MTUS2: variants seen among roughly 807,000 people sequenced by gnomAD.
The protein encoded by MTUS2 is microtubule-associated tumor suppressor candidate 2.
MTUS2 carries 40 observed loss-of-function variants against 114.1 expected under a neutral mutation model. The observed-to-expected ratio is 0.35, with a 90% confidence interval of 0.27 to 0.46. The LOEUF (loss-of-function observed/expected upper bound fraction) is 0.46. MTUS2 is among the 20% of genes least tolerant of loss of function. The probability of loss-of-function intolerance (pLI) is 1.00; values close to 1 mark genes in which losing one functional copy is unlikely to be tolerated. For missense variants in MTUS2, 1,679 were observed against 1,705.4 expected (o/e 0.98, Z 0.27); for synonymous variants, 688 against 672.0 (o/e 1.02, Z -0.37).
chr13:29,204,953 A>C (rs9551620), intron 5 of MTUS2, among the ~76,000 whole-genome samples: 12,797 of 152,114 alleles, frequency 0.084, 702 homozygotes, highest in African/African-American at 0.14. Flanking sequence ...GATCTGGGGG[A>C]CCAGGGAAGC....
At chr13:29,009,197 A>C (rs534207438) in intron 2 of MTUS2, among the ~76,000 whole-genome samples, 1 of 152,132 alleles carries the variant, frequency 6.6e-6, no homozygotes, top group East Asian at 1.9e-4. Flanking sequence ...TGAAAAAATT[A>C]CTTGGAATTT....
intron 2 of MTUS2, among the ~76,000 whole-genome samples, chr13:28,878,784 G>T (rs1039235561): frequency 7.2e-5 from 11 of 152,266 alleles, no homozygotes; most frequent in African/African-American, 2.6e-4. Flanking sequence ...AAATGCTGCA[G>T]AAAACATACA....
At chr13:29,473,850 G>A (rs1403148058) in intron 9 of MTUS2, among the ~76,000 whole-genome samples, 1 of 103,252 alleles carries the variant, frequency 9.7e-6, no homozygotes, top group Non-Finnish European at 2.4e-5. Flanking sequence ...AGGATTAAAT[G>A]TTTTTACGTG....
chr13:29,286,262 A>G (rs1452716674), intron 6 of MTUS2, among the ~76,000 whole-genome samples: 4 of 152,234 alleles, frequency 2.6e-5, no homozygotes, highest in Admixed American at 2.6e-4. Context: ...ATTTGTGGCT[A>G]TGTTTTTAAA....
chr13:29,094,018 T>G (rs1890073274), intron 4 of MTUS2, among the ~76,000 whole-genome samples: 1 of 152,176 alleles, frequency 6.6e-6, no homozygotes, highest in Non-Finnish European at 1.5e-5. Flanking sequence ...ATGGATTAAT[T>G]ATGTATGTAA....
chr13:28,821,700 T>G (rs905797571), intron 1 of MTUS2, among the ~76,000 whole-genome samples: 5 of 152,250 alleles, frequency 3.3e-5, no homozygotes, highest in South Asian at 2.1e-4. Context: ...TCCTGGTGAT[T>G]CTAACGTGTA....
chr13:29,474,133 A>G (rs1880522185), intron 9 of MTUS2, among the ~76,000 whole-genome samples: 1 of 152,194 alleles, frequency 6.6e-6, no homozygotes, highest in South Asian at 2.1e-4. Context: ...TATAATAGCA[A>G]TTGGGAATTT....
chr13:29,276,897 CAAATAAAT>C (rs541783538), intron 5 of MTUS2, among the ~76,000 whole-genome samples: 1 of 150,222 alleles, frequency 6.7e-6, no homozygotes, highest in Non-Finnish European at 1.5e-5. Flanking sequence ...GACTCCGTCT[CAAATAAAT>C]AAATAAATAA....
chr13:29,091,595 T>C (rs1889954368), intron 4 of MTUS2, among the ~76,000 whole-genome samples: 1 of 152,186 alleles, frequency 6.6e-6, no homozygotes, highest in East Asian at 1.9e-4. Flanking sequence ...GCTCTATAGA[T>C]CTGGAGCCAA....
intron 5 of MTUS2, among the ~76,000 whole-genome samples, chr13:29,102,326 T>A (rs1890455947): frequency 6.6e-6 from 1 of 152,158 alleles, no homozygotes; most frequent in African/African-American, 2.4e-5. Flanking sequence ...TATCATATGA[T>A]ATATATCTTT....
At chr13:28,993,319 G>A (rs181818872) in intron 2 of MTUS2, among the ~76,000 whole-genome samples, 4 of 152,288 alleles carry the variant, frequency 2.6e-5, no homozygotes, top group Non-Finnish European at 5.9e-5. Flanking sequence ...TTGCCGTACT[G>A]TTTTCTCTAG....
chr13:28,924,407 C>CT (rs1182375819), intron 2 of MTUS2, among the ~76,000 whole-genome samples: 1 of 152,134 alleles, frequency 6.6e-6, no homozygotes, highest in African/African-American at 2.4e-5. Context: ...TCTTGAAAAG[C>CT]TTTGAGAATG....
chr13:29,410,314 A>T (rs1431377791), intron 8 of MTUS2, among the ~76,000 whole-genome samples: 2 of 152,010 alleles, frequency 1.3e-5, no homozygotes, highest in African/African-American at 2.4e-5. Flanking sequence ...TTTAGTAGAG[A>T]TGGGATTTCA....
intron 5 of MTUS2, among the ~76,000 whole-genome samples, chr13:29,132,257 A>G (rs1891797148): frequency 6.6e-6 from 1 of 152,256 alleles, no homozygotes; most frequent in African/African-American, 2.4e-5. Flanking sequence ...GGGTGACTCA[A>G]CATTATGCAG....
chr13:29,389,247 A>ATG (rs1593384753), intron 8 of MTUS2, among the ~76,000 whole-genome samples: 2 of 148,956 alleles, frequency 1.3e-5, no homozygotes, highest in East Asian at 3.9e-4. Flanking sequence ...GTGTGTATAT[A>ATG]TATGTATACA....
chr13:29,406,377 G>T (rs76839342), intron 8 of MTUS2, among the ~76,000 whole-genome samples: 2,741 of 152,188 alleles, frequency 0.018, 87 homozygotes, highest in African/African-American at 0.062. Flanking sequence ...AGCTGGACTG[G>T]GGCTGGAGAA....
intron 5 of MTUS2, among the ~76,000 whole-genome samples, chr13:29,179,470 G>A (rs1399622667): frequency 1.3e-5 from 2 of 152,196 alleles, no homozygotes; most frequent in African/African-American, 4.8e-5. Context: ...AACAGCAACA[G>A]TGGTAATATG....
intron 2 of MTUS2, among the ~76,000 whole-genome samples, chr13:28,948,857 G>T (rs952830786): frequency 6.6e-6 from 1 of 152,170 alleles, no homozygotes; most frequent in African/African-American, 2.4e-5. Context: ...ACTCAGTTCA[G>T]ATCTCAAGTA....
chr13:29,070,596 G>A (rs187812485), intron 4 of MTUS2, among the ~76,000 whole-genome samples: 142 of 151,964 alleles, frequency 9.3e-4, no homozygotes, highest in African/African-American at 3.3e-3. Context: ...AGTGGCATTT[G>A]TGTGTGGATG....
Sources: allele counts gnomAD v4.1 joint callset (sites outside exome capture counted in the v4.1 genomes callset), GRCh38; gene constraint gnomAD v4.1.1; transcripts MANE v1.5; gene names NCBI Gene and HGNC (gene_info 2026-07-23, HGNC 2026-07-21).